Variants in BTD observed in about 807,000 individuals in gnomAD.
The protein encoded by BTD is biocytinase.
Under a neutral mutation model 17.7 loss-of-function variants are expected in BTD, and 13 were observed. The ratio of observed to expected loss-of-function variants is 0.74; its 90% CI spans 0.48 to 1.17. The LOEUF (loss-of-function observed/expected upper bound fraction) is 1.17. Among genes scored for constraint, BTD ranks in the 50% most tolerant of loss-of-function variants. The pLI, the probability that BTD is intolerant of heterozygous loss-of-function variation, is 0.00. For synonymous variants in BTD, 240 were observed against 245.2 expected (o/e 0.98, Z 0.20); for missense variants, 674 against 650.4 (o/e 1.04, Z -0.39).
chr3:15,658,124 C>T (rs536412839), downstream of BTD, among the ~76,000 whole-genome samples: 8 of 150,220 alleles, frequency 5.3e-5, no homozygotes, highest in East Asian at 3.9e-4. Flanking sequence ...GCCAAGATTG[C>T]GCCACTGCAC....
chr3:15,721,165 T>C lies in BTD; in HGVS notation c.1016-605T>C, dbSNP rs774451681. The stretch of plus-strand genomic sequence containing the variant: ...AAAAAAATGCGAATGTTAAAGTAGT[T>C]TTGCTAATTATCAATGTTGTGAGCT... On this transcript the variant is annotated intron_variant, in intron 4 of 4. Transcript: ENST00000672427. 6.4e-6 allele frequency: 10 copies of C among 1,563,360 alleles called. No individual in the cohort carries two copies. In the Admixed American group the frequency reaches 1.4e-4, roughly 23 times the overall value.
At chr3:15,692,940 A>T (rs1481227190) in intron 3 of BTD, among the ~76,000 whole-genome samples, 1 of 152,212 alleles carries the variant, frequency 6.6e-6, no homozygotes, top group Admixed American at 6.5e-5. Flanking sequence ...AAAATAAGGA[A>T]ATTCAGCCAC....
At chr3:15,696,758 A>G (rs1171257129) in intron 3 of BTD, among the ~76,000 whole-genome samples, 1 of 152,222 alleles carries the variant, frequency 6.6e-6, no homozygotes, top group African/African-American at 2.4e-5. Context: ...GTATATAAAC[A>G]GAGTAAAGTG....
intron 1 of BTD, among the ~76,000 whole-genome samples, chr3:15,619,377 G>A (rs1464310537): frequency 6.6e-6 from 1 of 152,178 alleles, no homozygotes; most frequent in Non-Finnish European, 1.5e-5. Flanking sequence ...CTGGAGTGCA[G>A]TGGTACAAAC....
At chr3:15,695,856 G>A (rs2069464199) in intron 3 of BTD, among the ~76,000 whole-genome samples, 1 of 151,920 alleles carries the variant, frequency 6.6e-6, no homozygotes. Context: ...AAACTTATGA[G>A]GAATATTAAT....
chr3:15,659,875 C>T (rs1184793101), intron 3 of BTD, among the ~76,000 whole-genome samples: 2 of 152,174 alleles, frequency 1.3e-5, no homozygotes, highest in African/African-American at 4.8e-5. Context: ...TAATGACTGT[C>T]CTATCATTTC....
In BTD at chr3:15,683,420, T is replaced by C. The variant is rs1186271276; in HGVS notation, c.400-26640T>C. The stretch of plus-strand genomic sequence containing the variant: ...AGTATGAGTACTAGTCTCTGGCCAC[T>C]TCACTACACTCATTTCTACTTGCCT... On this transcript the variant is annotated intron_variant, in intron 3 of 3. Transcript: ENST00000672141. 4.6e-5 allele frequency among the ~76,000 whole-genome samples: 7 copies of C among 152,178 alleles called. No individual in the cohort carries two copies. In the South Asian group the frequency reaches 1.5e-3, roughly 32 times the overall value.
At chr3:15,695,285 A>G (rs2069371153) in intron 3 of BTD, 2 of 1,167,696 alleles carry the variant, frequency 1.7e-6, no homozygotes, top group African/African-American at 3.0e-5. Context: ...CAACTTATAT[A>G]GAGCTTTGCT....
chr3:15,643,435 A>G (rs2065590762), intron 3 of BTD, among the ~76,000 whole-genome samples: 1 of 152,168 alleles, frequency 6.6e-6, no homozygotes, highest in Non-Finnish European at 1.5e-5. Context: ...TGGGAGGCGG[A>G]AGTTGCAGTG....
At chr3:15,630,236 A>G (rs951957767) in intron 1 of BTD, 18 of 317,134 alleles carry the variant, frequency 5.7e-5, no homozygotes, top group African/African-American at 6.7e-5. Context: ...GAAAGGGGGG[A>G]AAAGCCATCC....
At chr3:15,658,594 C>CA (rs2065893719), downstream of BTD, among the ~76,000 whole-genome samples, 1 of 152,058 alleles carries the variant, frequency 6.6e-6, no homozygotes, top group Non-Finnish European at 1.5e-5. Context: ...CCTAACAACA[C>CA]AGAGTGGAAG....
At chr3:15,638,748 C>T (rs1393694830) in intron 2 of BTD, among the ~76,000 whole-genome samples, 1 of 152,198 alleles carries the variant, frequency 6.6e-6, no homozygotes, top group African/African-American at 2.4e-5. Context: ...TTACACAAAC[C>T]TACATGGTAC....
chr3:15,669,424 A>G (rs1197280093), intron 3 of BTD: 1 of 152,156 alleles, frequency 6.6e-6, no homozygotes, highest in African/African-American at 2.4e-5. Flanking sequence ...GAAATTCTTT[A>G]CATTTTCAAA....
upstream of BTD, chr3:15,601,413 A>G (rs1223200652): frequency 6.2e-7 from 1 of 1,613,960 alleles, no homozygotes; most frequent in Non-Finnish European, 8.5e-7. Flanking sequence ...CGATGACTTT[A>G]GCACCAGACA....
At chr3:15,719,041 T>TG (rs2073399935) in intron 4 of BTD, among the ~76,000 whole-genome samples, 1 of 152,206 alleles carries the variant, frequency 6.6e-6, no homozygotes, top group South Asian at 2.1e-4. Flanking sequence ...TTACTTAAAC[T>TG]ATAAAAAATG....
chr3:15,614,263 G>A (rs9847991), intron 1 of BTD, among the ~76,000 whole-genome samples: 6,755 of 151,570 alleles, frequency 0.045, 412 homozygotes, highest in African/African-American at 0.14. Flanking sequence ...TGCTGGGACC[G>A]CAGGTGTACA....
rs1261536776 is a variant in BTD, at chr3:15,641,946, T to C, written c.288T>C (p.His96=). ...TAGTGTTTCCAGAAGATGGCATTCA[T>C]GGATTCAACTTTACAAGAACATCCA... The part of the protein sequence containing the change: ...QIIVFPEDGI[H]GFNFTRTSIY... The change falls in exon 3 of 4, where the codon CAT becomes CAC. Residue 96 remains histidine, a synonymous_variant. Coordinates refer to ENST00000643237, the MANE Select transcript of BTD (RefSeq NM_001370658.1). The C allele has an allele frequency of 1.9e-6, 3 of 1,613,836 alleles. No individual in the cohort carries two copies. The African/African-American group carries it at 4.0e-5, about 22-fold the overall frequency.
chr3:15,719,456 G>T (rs2073453988), intron 4 of BTD, among the ~76,000 whole-genome samples: 2 of 152,122 alleles, frequency 1.3e-5, no homozygotes, highest in South Asian at 2.1e-4. Context: ...AACAACTAAC[G>T]AATTCTAAAA....
intron 3 of BTD, among the ~76,000 whole-genome samples, chr3:15,709,184 G>A (rs559184190): frequency 6.6e-6 from 1 of 152,220 alleles, no homozygotes; most frequent in South Asian, 2.1e-4. Context: ...GTGTGTGAGA[G>A]ATTTATATAG....
Sources: allele counts gnomAD v4.1 joint callset (sites outside exome capture counted in the v4.1 genomes callset), GRCh38; gene constraint gnomAD v4.1.1; transcripts MANE v1.5; gene names NCBI Gene and HGNC (gene_info 2026-07-23, HGNC 2026-07-21).